The following TXNRD1 variants were observed in gnomAD, a reference collection of about 807,000 sequenced individuals.
TXNRD1 encodes thioredoxin reductase 1, also known as thioredoxin reductase 1, cytoplasmic.
A neutral mutation model predicts 80.3 loss-of-function variants in TXNRD1; 57 were observed. The observed-to-expected ratio is 0.71, with a 90% CI of 0.57 to 0.89. TXNRD1 has a LOEUF of 0.89. TXNRD1 is among the 40% of genes least tolerant of loss of function. TXNRD1 has a pLI of 0.00. For missense variants in TXNRD1, 730 were observed against 803.0 expected (o/e 0.91, Z 1.10); for synonymous variants, 291 against 285.2 (o/e 1.02, Z -0.20).
At chr12:104,217,816 A>G (rs1044601927) in intron 1 of TXNRD1, among the ~76,000 whole-genome samples, 17 of 152,206 alleles carry the variant, frequency 1.1e-4, no homozygotes, top group Admixed American at 6.5e-4. Flanking sequence ...GATTGCTTAT[A>G]TAAGTTGGTA....
intron 4 of TXNRD1, among the ~76,000 whole-genome samples, chr12:104,290,229 G>C (rs2034131880): frequency 6.6e-6 from 1 of 152,082 alleles, no homozygotes; most frequent in South Asian, 2.1e-4. Context: ...TCTTTTAAAA[G>C]TATTTTATTT....
At chr12:104,302,486 C>CTTTTTTTTTTTTTTTGTTT (rs2034668129) in intron 4 of TXNRD1, among the ~76,000 whole-genome samples, 1 of 76,226 alleles carries the variant, frequency 1.3e-5, no homozygotes, top group Non-Finnish European at 2.3e-5. Context: ...TATTCATTCC[C>CTTTTTTTTTTTTTTTGTTT]TTTTTTTTTT....
At chr12:104,296,685 C>G (rs1014125927) in intron 4 of TXNRD1, among the ~76,000 whole-genome samples, 1 of 152,120 alleles carries the variant, frequency 6.6e-6, no homozygotes, top group African/African-American at 2.4e-5. Flanking sequence ...GTGAATAGAT[C>G]GTGGTAGGGC....
intron 12 of TXNRD1, 36 bp downstream of exon 12, chr12:104,326,459 G>GTTT: frequency 8.0e-5 from 65 of 810,384 alleles, no homozygotes; most frequent in Middle Eastern, 3.8e-4. Flanking sequence ...ATATTTGTGG[G>GTTT]ATTTTTTTTT....
intron 3 of TXNRD1, 24 bp from the exon 4 acceptor site, chr12:104,288,907 C>G: frequency 1.2e-6 from 2 of 1,613,994 alleles, no homozygotes; most frequent in Non-Finnish European, 1.7e-6. Flanking sequence ...CTTACACGCT[C>G]CGCTCTGCTT....
chr12:104,253,624 C>G (rs1037546826), intron 2 of TXNRD1, among the ~76,000 whole-genome samples: 1 of 152,216 alleles, frequency 6.6e-6, no homozygotes, highest in Middle Eastern at 3.4e-3. Flanking sequence ...GCCCCTCCCC[C>G]GCACCGCCTG....
chr12:104,289,149 GCA>G, intron 4 of TXNRD1, 109 bp downstream of exon 4: 3 of 1,347,600 alleles, frequency 2.2e-6, no homozygotes, highest in South Asian at 1.5e-5. Flanking sequence ...CAAACGGGAC[GCA>G]GCGCTGGGAA....
chr12:104,232,367 CCTGGCCAA>C (rs947802469), intron 1 of TXNRD1, among the ~76,000 whole-genome samples: 3 of 152,104 alleles, frequency 2.0e-5, no homozygotes, highest in Admixed American at 6.6e-5. Context: ...TCAAGACTAT[CCTGGCCAA>C]CATGGTGAAA....
rs918518296 is a variant in TXNRD1, at chr12:104,270,791, C to T, written c.304+12712C>T. Among the ~76,000 whole-genome samples, 39 of 151,878 alleles carry T rather than the reference C, an allele frequency of 2.6e-4. 1 individual carries two copies. Among genetic ancestry groups the T allele is most frequent in the African/African-American group, 9.4e-4 (39 of 41,338 alleles). Reference sequence around the variant, plus strand: ...ATGGTCAACATTGAATCCTGTCAAGCAGAGTAGGAGGCAATATAGCCTCCT... The same window carrying T: ...ATGGTCAACATTGAATCCTGTCAAGTAGAGTAGGAGGCAATATAGCCTCCT... On this transcript the variant is annotated intron_variant, in intron 3 of 16. Transcript: ENST00000525566.
chr12:104,294,102 T>C (rs879733682), intron 4 of TXNRD1, among the ~76,000 whole-genome samples: 2 of 151,754 alleles, frequency 1.3e-5, no homozygotes, highest in Non-Finnish European at 2.9e-5. Flanking sequence ...GGACTAGGAG[T>C]GTGACCACTG....
At chr12:104,277,695 G>A (rs958128168) in intron 3 of TXNRD1, among the ~76,000 whole-genome samples, 12 of 151,728 alleles carry the variant, frequency 7.9e-5, no homozygotes, top group African/African-American at 2.7e-4. Context: ...GAAGGTTACC[G>A]GGGTTTTTTT....
intron 1 of TXNRD1, among the ~76,000 whole-genome samples, chr12:104,229,497 A>T (rs1467317314): frequency 6.6e-6 from 1 of 152,056 alleles, no homozygotes; most frequent in Non-Finnish European, 1.5e-5. Flanking sequence ...AGGTTTATTC[A>T]CATTGCAGCA....
chr12:104,348,627 T>C lies in TXNRD1; in HGVS notation c.*206T>C. ...ATCACACTGGGGTCACTGACAGACT[T>C]GAAGCTGACATTTGGCAGGGCATCG... On this transcript the variant is annotated 3_prime_UTR_variant, in exon 17 of 17. Coordinates refer to ENST00000525566, the MANE Select transcript of TXNRD1 (RefSeq NM_001093771.3). 1.8e-6 allele frequency: 1 copy of C among 553,082 alleles called. No individual in the cohort carries two copies. Among genetic ancestry groups the C allele is most frequent in the Non-Finnish European group, 3.2e-6 (1 of 311,426 alleles). The allele number at this position is 553,082 out of a possible 1,614,324, so 34.3% of individuals were successfully genotyped here.
At chr12:104,327,492 T>G (rs746827776) in intron 12 of TXNRD1, 23 bp from the exon 13 acceptor site, 1 of 1,596,870 alleles carries the variant, frequency 6.3e-7, no homozygotes, top group African/African-American at 1.3e-5. Flanking sequence ...TTAATGATGA[T>G]TTTTAACTGA....
At chr12:104,280,010 C>T (rs1331688059) in intron 3 of TXNRD1, among the ~76,000 whole-genome samples, 1 of 134,806 alleles carries the variant, frequency 7.4e-6, no homozygotes, top group Non-Finnish European at 1.5e-5. Context: ...TTGCAATGAG[C>T]TGAGATCGTG....
intron 1 of TXNRD1, among the ~76,000 whole-genome samples, chr12:104,234,025 A>C (rs2032681796): frequency 6.6e-6 from 1 of 152,156 alleles, no homozygotes; most frequent in Non-Finnish European, 1.5e-5. Context: ...TTCTTCTTCT[A>C]TTTCAATATT....
intron 3 of TXNRD1, among the ~76,000 whole-genome samples, chr12:104,268,719 A>G (rs944101034): frequency 6.6e-6 from 1 of 151,482 alleles, no homozygotes; most frequent in African/African-American, 2.4e-5. Flanking sequence ...GTTTCACCAC[A>G]TTGGCCAGGC....
intron 10 of TXNRD1, among the ~76,000 whole-genome samples, chr12:104,324,999 C>T (rs2035705872): frequency 6.6e-6 from 1 of 152,142 alleles, no homozygotes; most frequent in Non-Finnish European, 1.5e-5. Flanking sequence ...GGGTGAATCA[C>T]AAGATAGAAA....
At chr12:104,300,296 T>A (rs1314943203) in intron 4 of TXNRD1, among the ~76,000 whole-genome samples, 1 of 152,144 alleles carries the variant, frequency 6.6e-6, no homozygotes, top group Non-Finnish European at 1.5e-5. Flanking sequence ...GAACCCTGGG[T>A]AGCAACTCTT....
Sources: allele counts gnomAD v4.1 joint callset (sites outside exome capture counted in the v4.1 genomes callset), GRCh38; gene constraint gnomAD v4.1.1; transcripts MANE v1.5; gene names NCBI Gene and HGNC (gene_info 2026-07-23, HGNC 2026-07-21).